Variants in RBFOX2 observed in about 807,000 individuals in gnomAD.
RBFOX2 encodes RNA binding protein fox-1 homolog 2.
RBFOX2 carries 10 observed loss-of-function variants against 49.1 expected under a neutral mutation model. The observed-to-expected ratio is 0.20, with a 90% CI of 0.13 to 0.35. The LOEUF (loss-of-function observed/expected upper bound fraction) is 0.35. RBFOX2 is among the 10% of genes least tolerant of loss of function. The probability of loss-of-function intolerance (pLI) is 1.00; values close to 1 mark genes in which losing one functional copy is unlikely to be tolerated. For missense variants in RBFOX2, 323 were observed against 486.9 expected (o/e 0.66, Z 3.17); for synonymous variants, 183 against 187.4 (o/e 0.98, Z 0.19).
chr22:36,015,881 A>T (rs1241027248), intron 1 of RBFOX2, among the ~76,000 whole-genome samples: 2 of 152,224 alleles, frequency 1.3e-5, no homozygotes, highest in Non-Finnish European at 2.9e-5. Flanking sequence ...GGGAGAAAAC[A>T]AACTTTAGGC....
chr22:35,832,011 G>T (rs1304133925), intron 1 of RBFOX2, among the ~76,000 whole-genome samples: 3 of 152,150 alleles, frequency 2.0e-5, no homozygotes, highest in Non-Finnish European at 4.4e-5. Flanking sequence ...GGAGTTCAAG[G>T]TAATATCCCT....
Position 35,759,784 on chromosome 22 carries a change from CTG to C in RBFOX2, c.887+102_887+103del. The C allele has an allele frequency of 2.0e-6, 3 of 1,477,042 alleles. No individual in the cohort carries two copies. The highest frequency in any genetic ancestry group is 1.2e-5 in the South Asian group (1 of 81,198). The allele number at this position is 1,477,042 out of a possible 1,614,324, so 91.5% of individuals were successfully genotyped here. A position where few individuals can be genotyped will look rare whatever the true frequency, so the allele number is the denominator to read the frequency against. On this transcript the variant is annotated intron_variant, in intron 9 of 11. Transcript: ENST00000405409. The surrounding 1 kb of genome is among the most constrained non-coding windows in gnomAD (Gnocchi z 4.6). ...TGCAAATATTCACTGAATGCCTACT[CTG>C]TGACACGGCAACATCCCAGAAGTTA...
At chr22:35,869,081 C>T (rs1188651694) in intron 1 of RBFOX2, among the ~76,000 whole-genome samples, 2 of 152,170 alleles carry the variant, frequency 1.3e-5, no homozygotes, top group Non-Finnish European at 2.9e-5. Context: ...AATTCCTAGG[C>T]TACCCCACCC....
At chr22:35,966,521 A>C (rs1175079504), upstream of RBFOX2, among the ~76,000 whole-genome samples, 1 of 152,130 alleles carries the variant, frequency 6.6e-6, no homozygotes. Context: ...TTTTCATTTT[A>C]GTCATTCTGG....
intron 1 of RBFOX2, among the ~76,000 whole-genome samples, chr22:36,013,060 G>A (rs2058885973): frequency 6.6e-6 from 1 of 152,102 alleles, no homozygotes. Flanking sequence ...CACTGAGCCC[G>A]GACTACTCAG....
intron 2 of RBFOX2, among the ~76,000 whole-genome samples, chr22:35,796,650 A>G (rs1156720627): frequency 6.6e-6 from 1 of 152,214 alleles, no homozygotes; most frequent in African/African-American, 2.4e-5. Flanking sequence ...TTACACTAAA[A>G]TCCACTGGAC....
At chr22:36,001,124 T>C (rs1283751786) in intron 1 of RBFOX2, among the ~76,000 whole-genome samples, 1 of 151,616 alleles carries the variant, frequency 6.6e-6, no homozygotes, top group African/African-American at 2.4e-5. Context: ...TCCAAGAGTT[T>C]TAAAATAAAC....
At position 35,744,247 on chromosome 22, in the gene RBFOX2, C is replaced by T. The variant is rs1379766512; in HGVS notation, c.1052G>A (p.Arg351Gln). 23 of 1,610,134 alleles carry T rather than the reference C, an allele frequency of 1.4e-5. No homozygotes were observed. The highest frequency in any genetic ancestry group is 1.9e-5 in the Non-Finnish European group (22 of 1,178,164). The stretch of plus-strand genomic sequence containing the variant: ...GGCTGTAGCCACCTCGGTATAAACT[C>T]GCCTGCAGTAATTAAAGAGATAAAA... The change falls in exon 12 of 12, where the codon CGA becomes CAA. Residue 351 changes from arginine to glutamine, a missense_variant and splice_region_variant. Arg to Gln is a conservative substitution (Grantham distance 43). Transcript: ENST00000405409.
chr22:35,941,551 C>G (rs1234919099), upstream of RBFOX2, among the ~76,000 whole-genome samples: 1 of 152,102 alleles, frequency 6.6e-6, no homozygotes, highest in African/African-American at 2.4e-5. Context: ...GTTCTCATCC[C>G]TACTAATGAT....
chr22:35,975,168 T>C (rs1480449029), intron 1 of RBFOX2, among the ~76,000 whole-genome samples: 2 of 152,216 alleles, frequency 1.3e-5, no homozygotes, highest in Admixed American at 6.5e-5. Flanking sequence ...ATAAAAGTAT[T>C]CTGTCAAATT....
At chr22:36,028,782 T>C (rs1011863397) in exon 1 of RBFOX2, among the ~76,000 whole-genome samples, 4 of 151,188 alleles carry the variant, frequency 2.6e-5, no homozygotes, top group Non-Finnish European at 5.9e-5. Flanking sequence ...TGGCTCACAC[T>C]CTCCCTCACA....
chr22:35,758,910 C>T (rs1377942095), intron 9 of RBFOX2, among the ~76,000 whole-genome samples: 1 of 152,212 alleles, frequency 6.6e-6, no homozygotes, highest in African/African-American at 2.4e-5. Flanking sequence ...GAGGTTCCTT[C>T]CCTTTATATT....
At chr22:35,805,710 T>C (rs987309508) in intron 2 of RBFOX2, among the ~76,000 whole-genome samples, 7 of 152,120 alleles carry the variant, frequency 4.6e-5, no homozygotes, top group African/African-American at 1.4e-4. Flanking sequence ...ACTGCCAAAA[T>C]CTGGAAGCAA....
intron 2 of RBFOX2, among the ~76,000 whole-genome samples, chr22:35,800,862 A>G (rs749459962): frequency 2.6e-5 from 4 of 152,264 alleles, no homozygotes; most frequent in African/African-American, 4.8e-5. Flanking sequence ...TTACATAAAC[A>G]GCAGTCAGCT....
intron 2 of RBFOX2, among the ~76,000 whole-genome samples, chr22:35,796,990 T>C (rs997675091): frequency 6.6e-6 from 1 of 152,182 alleles, no homozygotes; most frequent in Non-Finnish European, 1.5e-5. Flanking sequence ...AAATGGTGTA[T>C]AATGTAAATA....
intron 1 of RBFOX2, among the ~76,000 whole-genome samples, chr22:35,869,088 A>G (rs1740846372): frequency 6.6e-6 from 1 of 152,094 alleles, no homozygotes; most frequent in Admixed American, 6.5e-5. Flanking sequence ...AGGCTACCCC[A>G]CCCCACTGTG....
chr22:36,013,648 CAGAGAGAG>C (rs373268996), intron 1 of RBFOX2, among the ~76,000 whole-genome samples: 6 of 147,974 alleles, frequency 4.1e-5, no homozygotes, highest in Admixed American at 2.7e-4. Context: ...CACACACACA[CAGAGAGAG>C]AGAGAGAGAG....
intron 1 of RBFOX2, among the ~76,000 whole-genome samples, chr22:35,855,235 G>A (rs968188947): frequency 2.0e-5 from 3 of 152,042 alleles, no homozygotes; most frequent in African/African-American, 7.2e-5. Context: ...AAACTCAAGA[G>A]TTATTGGCTG....
chr22:35,756,729 A>G (rs993887106), intron 9 of RBFOX2, among the ~76,000 whole-genome samples: 7 of 152,178 alleles, frequency 4.6e-5, no homozygotes, highest in Non-Finnish European at 8.8e-5. Flanking sequence ...CCTGCACATT[A>G]GACATGCGAT....
Sources: gnomAD v4.1 joint callset for allele counts (sites outside exome capture counted in the v4.1 genomes callset) on GRCh38, gnomAD v4.1.1 for gene constraint, Gnocchi (gnomAD v3.1) non-coding constraint, MANE v1.5 for transcripts, NCBI Gene and HGNC (gene_info 2026-07-23, HGNC 2026-07-21) for gene names.